FAM227B: variants seen among roughly 807,000 people sequenced by gnomAD.
The protein encoded by FAM227B is protein FAM227B.
FAM227B carries 88 observed loss-of-function variants against 73.8 expected under a neutral mutation model. The observed-to-expected ratio is 1.19, with a 90% CI of 1.00 to 1.42. The LOEUF (loss-of-function observed/expected upper bound fraction) is 1.42, where lower values mean the gene tolerates loss of function less well. Ranked by LOEUF, FAM227B falls within the 40% of genes most tolerant of loss-of-function variation. The probability of loss-of-function intolerance (pLI) is 0.00; values close to 1 mark genes in which losing one functional copy is unlikely to be tolerated. For missense variants in FAM227B, 632 were observed against 590.9 expected, an observed-to-expected ratio of 1.07 and a Z score of -0.72; for synonymous variants, 210 against 190.5, an observed-to-expected ratio of 1.10 and a Z score of -0.84.
intron 11 of FAM227B, among the ~76,000 whole-genome samples, chr15:49,385,137 A>T (rs184656477): frequency 2.0e-5 from 3 of 151,928 alleles, no homozygotes; most frequent in Non-Finnish European, 1.5e-5. Flanking sequence ...AAGGTTTCTT[A>T]TCAGGGCAGG....
intron 11 of FAM227B, among the ~76,000 whole-genome samples, chr15:49,384,523 C>T (rs1280682842): frequency 6.6e-6 from 1 of 151,894 alleles, no homozygotes; most frequent in Non-Finnish European, 1.5e-5. Flanking sequence ...TAGGGAAGTG[C>T]CACAGGAACA....
At position 49,501,417 on chromosome 15, in the gene FAM227B, A is replaced by C. The variant is rs531358232; in HGVS notation, c.1012+6794T>G. Among the ~76,000 whole-genome samples the C allele has an allele frequency of 7.2e-5, 11 of 152,332 alleles. No individual in the cohort carries two copies. In the East Asian group the frequency reaches 2.1e-3, roughly 29 times the overall value. The stretch of plus-strand genomic sequence containing the variant: ...GTGCCTTAGCAAAGAACTTGGCTGC[A>C]TTGTTTCCCTGCCCTAGGGATCTGT... On this transcript the variant is annotated intron_variant, in intron 11 of 15. Transcript: ENST00000299338.
At chr15:49,604,358 T>G (rs1180075724) in intron 3 of FAM227B, among the ~76,000 whole-genome samples, 1 of 152,108 alleles carries the variant, frequency 6.6e-6, no homozygotes, top group Non-Finnish European at 1.5e-5. Flanking sequence ...CAGTTTTTTT[T>G]TCAACACTTC....
intron 11 of FAM227B, chr15:49,489,255 T>G: frequency 1.0e-6 from 1 of 985,116 alleles, no homozygotes; most frequent in Non-Finnish European, 1.2e-6. Flanking sequence ...TGCCATAAAC[T>G]GGGATTCTAC....
At chr15:49,460,480 C>T (rs1194816898) in intron 11 of FAM227B, among the ~76,000 whole-genome samples, 1 of 152,164 alleles carries the variant, frequency 6.6e-6, no homozygotes, top group East Asian at 1.9e-4. Context: ...AATTCTAAAT[C>T]TGTGGTACCA....
chr15:49,328,953 A>G, intron 15 of FAM227B: 1 of 1,101,472 alleles, frequency 9.1e-7, no homozygotes, highest in Non-Finnish European at 1.1e-6. Context: ...TTCACATTGA[A>G]ATAAAGAATT....
intron 5 of FAM227B, among the ~76,000 whole-genome samples, chr15:49,585,964 T>C (rs1262662601): frequency 6.6e-6 from 1 of 152,164 alleles, no homozygotes; most frequent in Non-Finnish European, 1.5e-5. Context: ...CAAAGCAATA[T>C]GTAGATTCAA....
At chr15:49,548,382 G>C (rs899681142) in intron 9 of FAM227B, among the ~76,000 whole-genome samples, 6 of 152,140 alleles carry the variant, frequency 3.9e-5, no homozygotes, top group Admixed American at 3.9e-4. Flanking sequence ...ACTTGGTATT[G>C]ATGAATGATC....
intron 11 of FAM227B, among the ~76,000 whole-genome samples, chr15:49,407,916 C>G (rs2048629126): frequency 6.6e-6 from 1 of 151,966 alleles, no homozygotes; most frequent in Admixed American, 6.6e-5. Flanking sequence ...CTTTCTAGAA[C>G]ATAAAATGGA....
intron 11 of FAM227B, among the ~76,000 whole-genome samples, chr15:49,428,660 G>A (rs1445537517): frequency 6.6e-6 from 1 of 152,000 alleles, no homozygotes; most frequent in Non-Finnish European, 1.5e-5. Flanking sequence ...GTGGAAGACA[G>A]AATCCAATCC....
At chr15:49,449,971 T>C (rs929018125) in intron 11 of FAM227B, among the ~76,000 whole-genome samples, 23 of 152,220 alleles carry the variant, frequency 1.5e-4, no homozygotes, top group African/African-American at 4.6e-4. Flanking sequence ...AATGTCATGC[T>C]CAATCACAAA....
chr15:49,572,500 C>T lies in FAM227B; in HGVS notation c.645+2511G>A, dbSNP rs1451067690. 1.3e-5 allele frequency among the ~76,000 whole-genome samples: 2 copies of T among 151,910 alleles called. 1 individual carries two copies. Among genetic ancestry groups the T allele is most frequent in the African/African-American group, 4.8e-5 (2 of 41,350 alleles). ...ATTTCCTTTTTGATTTGTTCTTTGACCCATTGGTTGTTCAGGAACAATGGG... is the reference window on the plus strand; with the variant it reads ...ATTTCCTTTTTGATTTGTTCTTTGATCCATTGGTTGTTCAGGAACAATGGG... On this transcript the variant is annotated intron_variant, in intron 8 of 15. Coordinates refer to ENST00000299338, the MANE Select transcript of FAM227B (RefSeq NM_152647.3).
rs2056053936 is a variant in FAM227B, at chr15:49,482,614, A to G, written c.1012+25597T>C. ...TTTATCCAAATAGAAAAGTAATTAT[A>G]TAATGATTAAGAGCCAGAATGTCTG... On this transcript the variant is annotated intron_variant, in intron 11 of 15. Coordinates refer to ENST00000299338, the MANE Select transcript of FAM227B (RefSeq NM_152647.3). Among the ~76,000 whole-genome samples, 3 of 152,058 alleles carry G rather than the reference A, an allele frequency of 2.0e-5. No individual in the cohort carries two copies. In the South Asian group the frequency reaches 6.2e-4, roughly 31 times the overall value.
At chr15:49,506,706 C>G (rs941720847) in intron 11 of FAM227B, among the ~76,000 whole-genome samples, 1 of 151,620 alleles carries the variant, frequency 6.6e-6, no homozygotes, top group African/African-American at 2.4e-5. Context: ...CCTACTTTGA[C>G]CTACTAATGG....
chr15:49,397,893 A>G (rs1296172793), intron 11 of FAM227B, among the ~76,000 whole-genome samples: 1 of 152,218 alleles, frequency 6.6e-6, no homozygotes, highest in Non-Finnish European at 1.5e-5. Context: ...CTGCAAAACC[A>G]TGCCAAAATG....
At chr15:49,603,489 C>A (rs1402605557) in intron 3 of FAM227B, among the ~76,000 whole-genome samples, 1 of 150,088 alleles carries the variant, frequency 6.7e-6, no homozygotes, top group Non-Finnish European at 1.5e-5. Context: ...TTGTATCCTG[C>A]AAGCTTACTG....
At chr15:49,603,405 T>C (rs2077326021) in intron 3 of FAM227B, among the ~76,000 whole-genome samples, 1 of 152,166 alleles carries the variant, frequency 6.6e-6, no homozygotes, top group Non-Finnish European at 1.5e-5. Context: ...CTACTATACA[T>C]GGGATTACTT....
intron 11 of FAM227B, among the ~76,000 whole-genome samples, chr15:49,474,937 C>T (rs113721624): frequency 0.026 from 3,999 of 152,118 alleles, 191 homozygotes; most frequent in African/African-American, 0.093. Flanking sequence ...CACCATACCC[C>T]AGAATTAATT....
chr15:49,508,213 G>C lies in FAM227B; in HGVS notation c.1010C>G (p.Thr337Ser). ...CAGTATACAGAAACTTTACTTACTAGTTGATATATGTTCTTGACTGTCTGC... is the reference window on the plus strand; with the variant it reads ...CAGTATACAGAAACTTTACTTACTACTTGATATATGTTCTTGACTGTCTGC... Reference protein sequence around the residue: ...RIADSQEHISTSIDFNIIKIL... With the variant: ...RIADSQEHISSSIDFNIIKIL... Residue 337 changes from threonine (T) to serine (S), a missense_variant and splice_region_variant, in exon 11 of 16, where the codon ACT becomes AGT. Coordinates refer to ENST00000299338, the MANE Select transcript of FAM227B (RefSeq NM_152647.3). 1 of 1,604,108 alleles carries C rather than the reference G, an allele frequency of 6.2e-7. No homozygotes were observed. The highest frequency in any genetic ancestry group is 8.5e-7 in the Non-Finnish European group (1 of 1,176,566).
Sources: allele counts gnomAD v4.1 joint callset (sites outside exome capture counted in the v4.1 genomes callset), GRCh38; gene constraint gnomAD v4.1.1; transcripts MANE v1.5; gene names NCBI Gene and HGNC (gene_info 2026-07-23, HGNC 2026-07-21).